The following ERG variants were observed in gnomAD, a reference collection of about 807,000 sequenced individuals.
ERG encodes transcriptional regulator ERG.
ERG carries 9 observed loss-of-function variants against 55.3 expected under a neutral mutation model. That is an observed-to-expected ratio of 0.16 (90% CI 0.10 to 0.28). ERG has a LOEUF of 0.28. ERG is among the 10% of genes least tolerant of loss of function. The pLI, the probability that ERG is intolerant of heterozygous loss-of-function variation, is 1.00. For missense variants in ERG, 434 were observed against 631.6 expected, an observed-to-expected ratio of 0.69 and a Z score of 3.35; for synonymous variants, 223 against 237.3, an observed-to-expected ratio of 0.94 and a Z score of 0.55.
At chr21:38,513,372 T>C (rs143466832) in intron 2 of ERG, among the ~76,000 whole-genome samples, 4 of 151,882 alleles carry the variant, frequency 2.6e-5, no homozygotes, top group African/African-American at 7.3e-5. Context: ...GTAGGGGAAA[T>C]TGGGTAAAGG....
At chr21:38,425,885 C>T (rs934833602) in intron 2 of ERG, among the ~76,000 whole-genome samples, 16 of 152,200 alleles carry the variant, frequency 1.1e-4, no homozygotes, top group African/African-American at 3.9e-4. Flanking sequence ...CATTCCACAC[C>T]TGAAAGCCAT....
chr21:38,371,054 A>G, the ERG span, among the ~76,000 whole-genome samples: 1 of 152,150 alleles, frequency 6.6e-6, no homozygotes, highest in South Asian at 2.1e-4. Flanking sequence ...TACATGATCC[A>G]TCACTTCATT....
the ERG span, among the ~76,000 whole-genome samples, chr21:38,369,450 C>A: frequency 6.6e-6 from 1 of 152,124 alleles, no homozygotes; most frequent in African/African-American, 2.4e-5. Context: ...CCTTTGCTCA[C>A]TTTTTACAAG....
intron 1 of ERG, among the ~76,000 whole-genome samples, chr21:38,472,759 T>C (rs2059150918): frequency 1.3e-5 from 2 of 152,236 alleles, no homozygotes; most frequent in South Asian, 2.1e-4. Context: ...AGCTACTAAG[T>C]TTCTCTTTTC....
At chr21:38,604,991 A>C (rs1601304150) in intron 1 of ERG, among the ~76,000 whole-genome samples, 3 of 152,232 alleles carry the variant, frequency 2.0e-5, no homozygotes, top group African/African-American at 7.2e-5. Flanking sequence ...GTTCCCCTTA[A>C]AACAATCTTC....
At chr21:38,620,337 C>T (rs553871536) in intron 1 of ERG, among the ~76,000 whole-genome samples, 8 of 151,984 alleles carry the variant, frequency 5.3e-5, no homozygotes, top group African/African-American at 1.4e-4. Context: ...GACGTAAAAA[C>T]AATGCCAATT....
At chr21:38,463,458 T>C (rs1189783394) in intron 1 of ERG, among the ~76,000 whole-genome samples, 1 of 152,192 alleles carries the variant, frequency 6.6e-6, no homozygotes, top group Non-Finnish European at 1.5e-5. Flanking sequence ...CTTTTTTCTA[T>C]TTTTTCTCTT....
intron 1 of ERG, among the ~76,000 whole-genome samples, chr21:38,616,064 C>T (rs2060257173): frequency 6.6e-6 from 1 of 152,022 alleles, no homozygotes; most frequent in African/African-American, 2.4e-5. Flanking sequence ...GGGGCAGTTC[C>T]CCCATGCTGT....
At chr21:38,644,507 A>G (rs935352101) in intron 1 of ERG, among the ~76,000 whole-genome samples, 3 of 152,188 alleles carry the variant, frequency 2.0e-5, no homozygotes, top group African/African-American at 7.2e-5. Context: ...GAAACACCTT[A>G]TAAGGAGATC....
chr21:38,530,436 T>G (rs564877660), intron 2 of ERG, among the ~76,000 whole-genome samples: 2 of 152,322 alleles, frequency 1.3e-5, no homozygotes, highest in East Asian at 3.9e-4. Flanking sequence ...AGGGATTTAC[T>G]TATTCCTATG....
At chr21:38,420,588 CA>C (rs1455932587) in intron 3 of ERG, among the ~76,000 whole-genome samples, 1 of 152,288 alleles carries the variant, frequency 6.6e-6, no homozygotes, top group East Asian at 1.9e-4. Context: ...ATTTGATGAG[CA>C]GCTACTATGT....
In ERG at chr21:38,551,129, C is replaced by T. The variant is rs145091122; in HGVS notation, c.-41+24533G>A. Among the ~76,000 whole-genome samples the T allele has an allele frequency of 7.6e-3, 1,140 of 150,952 alleles. 50 individuals are homozygous for T. Among genetic ancestry groups the T allele is most frequent in the East Asian group, 0.019 (96 of 5,172 alleles). ...TTTTCTGGGTTTTCTAATTTTTGTG[C>T]ACAGAAATGTTTTTTAATAGTCTCT... On this transcript the variant is annotated intron_variant, in intron 2 of 8. Transcript: ENST00000398897.
chr21:38,593,845 A>G (rs2060115725), intron 1 of ERG, among the ~76,000 whole-genome samples: 1 of 152,198 alleles, frequency 6.6e-6, no homozygotes, highest in Non-Finnish European at 1.5e-5. Context: ...TTTAGATAAA[A>G]TTTATTCTTT....
Position 38,550,065 on chromosome 21 carries a change from G to A in ERG, c.-41+25597C>T, listed in dbSNP as rs1017293458. Among the ~76,000 whole-genome samples, 59 of 152,212 alleles carry A rather than the reference G, an allele frequency of 3.9e-4. 1 individual carries two copies. The highest frequency in any genetic ancestry group is 2.0e-4 in the Admixed American group (3 of 15,280). ...ACCCTGCATGTCTGGGTTGTCACCT[G>A]CTCCCAAGGTGACCACTCCAAAAGT... On this transcript the variant is annotated intron_variant, in intron 2 of 8. Coordinates refer to the ERG transcript ENST00000398897.
At chr21:38,409,700 T>C (rs1333367092) in intron 3 of ERG, among the ~76,000 whole-genome samples, 2 of 152,076 alleles carry the variant, frequency 1.3e-5, no homozygotes, top group African/African-American at 4.8e-5. Flanking sequence ...ATATCTGACA[T>C]GTTTAAGAAA....
At chr21:38,562,410 T>C (rs1312527237) in intron 2 of ERG, among the ~76,000 whole-genome samples, 1 of 152,144 alleles carries the variant, frequency 6.6e-6, no homozygotes, top group African/African-American at 2.4e-5. Flanking sequence ...CTTTCCAGCC[T>C]GGCTTTAAAG....
At chr21:38,379,306 C>T (rs1186265379), downstream of ERG, among the ~76,000 whole-genome samples, 2 of 152,228 alleles carry the variant, frequency 1.3e-5, no homozygotes, top group African/African-American at 2.4e-5. Flanking sequence ...AATCCTGCGA[C>T]CTCCCTTCTA....
At chr21:38,446,971 C>T (rs1246871617) in intron 1 of ERG, among the ~76,000 whole-genome samples, 1 of 152,084 alleles carries the variant, frequency 6.6e-6, no homozygotes, top group East Asian at 1.9e-4. Context: ...CCCTCTTCCC[C>T]TTCTCTGAGA....
intron 2 of ERG, among the ~76,000 whole-genome samples, chr21:38,507,588 A>G (rs1023076971): frequency 2.6e-5 from 4 of 152,174 alleles, no homozygotes; most frequent in Non-Finnish European, 4.4e-5. Context: ...CAGGAGTATC[A>G]GGGGAGAGCA....
Sources: allele counts gnomAD v4.1 joint callset (sites outside exome capture counted in the v4.1 genomes callset), GRCh38; gene constraint gnomAD v4.1.1; transcripts MANE v1.5; gene names NCBI Gene and HGNC (gene_info 2026-07-23, HGNC 2026-07-21).